Variants in SPHKAP observed in about 807,000 individuals in gnomAD.
SPHKAP encodes SPHK1 interactor, AKAP domain containing, also known as A-kinase anchor protein SPHKAP.
A neutral mutation model predicts 137.5 loss-of-function variants in SPHKAP; 67 were observed. The observed-to-expected ratio is 0.49, with a 90% confidence interval of 0.40 to 0.60. The LOEUF is 0.60. SPHKAP is among the 20% of genes least tolerant of loss of function. The pLI, the probability that SPHKAP is intolerant of heterozygous loss-of-function variation, is 0.00. For missense variants in SPHKAP, 2,097 were observed against 2,069.3 expected (o/e 1.01, Z -0.26); for synonymous variants, 813 against 785.3 (o/e 1.04, Z -0.59).
intron 7 of SPHKAP, 137 bp from the exon 8 acceptor site, chr2:227,995,831 C>G: frequency 7.9e-7 from 1 of 1,265,020 alleles, no homozygotes; most frequent in Non-Finnish European, 1.0e-6. Context: ...GCTGATCCTT[C>G]TGCTGGTGCC....
chr2:228,002,460 G>A (rs1404609964), intron 7 of SPHKAP, among the ~76,000 whole-genome samples: 1 of 152,148 alleles, frequency 6.6e-6, no homozygotes, highest in Non-Finnish European at 1.5e-5. Flanking sequence ...GTAGATTCTG[G>A]ATATTAGCCC....
chr2:228,079,870 G>T (rs1697305201), intron 3 of SPHKAP, among the ~76,000 whole-genome samples: 1 of 152,236 alleles, frequency 6.6e-6, no homozygotes, highest in Non-Finnish European at 1.5e-5. Flanking sequence ...GCACAGGCCA[G>T]CCAGCCCCTA....
intron 1 of SPHKAP, among the ~76,000 whole-genome samples, chr2:228,151,413 T>C (rs1699926295): frequency 6.6e-6 from 1 of 152,054 alleles, no homozygotes. Flanking sequence ...TGTGTCTTTA[T>C]AGCAGCATGA....
In SPHKAP at chr2:227,999,994, G is replaced by A. The variant is rs75632622; in HGVS notation, c.4449-4300C>T. 6.8e-3 allele frequency among the ~76,000 whole-genome samples: 1,028 copies of A among 152,278 alleles called. 15 individuals are homozygous for A. The highest frequency in any genetic ancestry group is 0.023 in the African/African-American group (940 of 41,558). ...TCTTGATGTTGCATGTTCTATATAG[G>A]CTTTGACAAATGTATAATGACTAAT... On this transcript the variant is annotated intron_variant, in intron 7 of 11. Coordinates refer to ENST00000392056, the MANE Select transcript of SPHKAP (RefSeq NM_001142644.2).
intron 2 of SPHKAP, among the ~76,000 whole-genome samples, chr2:228,121,393 A>G (rs1266241616): frequency 6.6e-6 from 1 of 152,268 alleles, no homozygotes; most frequent in South Asian, 2.1e-4. Context: ...CCTTGCACCT[A>G]TAGTCCAAGC....
chr2:228,056,298 A>G (rs1314372730), intron 3 of SPHKAP, among the ~76,000 whole-genome samples: 4 of 152,350 alleles, frequency 2.6e-5, no homozygotes, highest in Non-Finnish European at 5.9e-5. Flanking sequence ...CCTGATGATC[A>G]GTAAATAACT....
chr2:228,128,714 G>A (rs981788288), intron 2 of SPHKAP, among the ~76,000 whole-genome samples: 8 of 152,160 alleles, frequency 5.3e-5, no homozygotes, highest in African/African-American at 1.9e-4. Flanking sequence ...CTGCAGAATG[G>A]AAGTTGTGTT....
At chr2:228,058,402 T>G (rs1696520511) in intron 3 of SPHKAP, among the ~76,000 whole-genome samples, 1 of 152,212 alleles carries the variant, frequency 6.6e-6, no homozygotes, top group South Asian at 2.1e-4. Flanking sequence ...AATTGAATCC[T>G]CATCACTTCC....
intron 7 of SPHKAP, among the ~76,000 whole-genome samples, chr2:228,003,948 C>T (rs1020976369): frequency 3.3e-5 from 5 of 152,288 alleles, no homozygotes; most frequent in Admixed American, 6.5e-5. Context: ...TGATGTGCTG[C>T]TGGATTTGGT....
chr2:228,094,958 G>A (rs980329180), intron 3 of SPHKAP, among the ~76,000 whole-genome samples: 4 of 152,110 alleles, frequency 2.6e-5, no homozygotes, highest in African/African-American at 9.7e-5. Flanking sequence ...AGAAATATGT[G>A]GGGCTTTAAG....
At position 228,017,884 on chromosome 2, in the gene SPHKAP, G is replaced by A. The variant is rs958351498; in HGVS notation, c.2970C>T (p.Thr990=). Residue 990 remains threonine, a synonymous_variant, in exon 7 of 12, where the codon ACC becomes ACT. Coordinates refer to ENST00000392056, the MANE Select transcript of SPHKAP (RefSeq NM_001142644.2). ...KRKKESQGSG[T]AVRKHKPPRL... ...GGGGAGGCTTGTGTTTCCTCACAGCGGTCCCGCTCCCCTGGCTCTCTTTCT... is the reference window on the plus strand; with the variant it reads ...GGGGAGGCTTGTGTTTCCTCACAGCAGTCCCGCTCCCCTGGCTCTCTTTCT... The A allele has an allele frequency of 6.2e-6, 10 of 1,614,064 alleles. No individual in the cohort carries two copies. The highest frequency in any genetic ancestry group is 1.7e-5 in the Admixed American group (1 of 60,012).
At chr2:228,120,737 G>C (rs1392822739) in intron 2 of SPHKAP, among the ~76,000 whole-genome samples, 4 of 152,170 alleles carry the variant, frequency 2.6e-5, no homozygotes, top group African/African-American at 9.7e-5. Context: ...ATATCACACA[G>C]ATGTCAGCTG....
chr2:228,106,793 G>T (rs1698356802), intron 3 of SPHKAP, among the ~76,000 whole-genome samples: 1 of 152,170 alleles, frequency 6.6e-6, no homozygotes, highest in South Asian at 2.1e-4. Flanking sequence ...ACCCATCCTA[G>T]AAATATGTGC....
chr2:228,041,117 AT>A (rs1305422880), intron 3 of SPHKAP, among the ~76,000 whole-genome samples: 1 of 152,176 alleles, frequency 6.6e-6, no homozygotes, highest in Admixed American at 6.5e-5. Flanking sequence ...TTCCTATATG[AT>A]TTTTTAGGAA....
intron 3 of SPHKAP, among the ~76,000 whole-genome samples, 186 bp from the exon 4 acceptor site, chr2:228,027,729 A>G (rs1452882047): frequency 6.6e-6 from 1 of 152,090 alleles, no homozygotes; most frequent in Non-Finnish European, 1.5e-5. Context: ...GCACTTTAGG[A>G]GGCCAAGGCG....
chr2:228,159,811 C>A (rs187913200), intron 1 of SPHKAP, among the ~76,000 whole-genome samples: 1 of 152,294 alleles, frequency 6.6e-6, no homozygotes, highest in Admixed American at 6.5e-5. Context: ...CCACAGAGAA[C>A]TATGTATTTT....
chr2:228,048,535 A>G (rs1243204182), intron 3 of SPHKAP, among the ~76,000 whole-genome samples: 1 of 152,246 alleles, frequency 6.6e-6, no homozygotes, highest in African/African-American at 2.4e-5. Context: ...ATTTCTATCA[A>G]TGACAGAACG....
chr2:228,147,110 T>G (rs1397516316), intron 1 of SPHKAP, among the ~76,000 whole-genome samples: 1 of 152,228 alleles, frequency 6.6e-6, no homozygotes, highest in Non-Finnish European at 1.5e-5. Context: ...TCTGATTCAC[T>G]ATTGAACTCC....
chr2:227,991,160 C>T lies in SPHKAP; in HGVS notation c.4799G>A (p.Gly1600Glu), dbSNP rs757005243. Reference protein sequence around the residue: ...TEAPASGPPTGTASPQRSLLV... With the variant: ...TEAPASGPPTETASPQRSLLV... ...CAGGCTCCTCTGGGGGCTGGCTGTT[C>T]CCGTAGGCGGTCCAGATGCAGGTGC... is the stretch of plus-strand genomic sequence containing the variant. The change falls in exon 11 of 12, where the codon GGA becomes GAA. Residue 1600 changes from glycine (G) to glutamate (E), a missense_variant. Coordinates refer to ENST00000392056, the MANE Select transcript of SPHKAP (RefSeq NM_001142644.2). 2.2e-5 allele frequency: 35 copies of T among 1,613,936 alleles called. No individual in the cohort carries two copies. The African/African-American group carries it at 4.7e-4, about 22-fold the overall frequency.
Sources: allele counts gnomAD v4.1 joint callset (sites outside exome capture counted in the v4.1 genomes callset), GRCh38; gene constraint gnomAD v4.1.1; transcripts MANE v1.5; gene names NCBI Gene and HGNC (gene_info 2026-07-23, HGNC 2026-07-21).